THSD7A: variants seen among roughly 807,000 people sequenced by gnomAD.
The protein encoded by THSD7A is thrombospondin type 1 domain containing 7A, also known as thrombospondin type-1 domain-containing protein 7A.
In THSD7A, 96 loss-of-function variants were observed where a neutral mutation model predicts 231.3. The ratio of observed to expected loss-of-function variants is 0.41; its 90% confidence interval spans 0.35 to 0.49. The LOEUF (loss-of-function observed/expected upper bound fraction) is 0.49. THSD7A is among the 20% of genes least tolerant of loss of function. THSD7A has a pLI of 0.05. For missense variants in THSD7A, 2,290 were observed against 2,070.2 expected, an observed-to-expected ratio of 1.11 and a Z score of -2.06; for synonymous variants, 940 against 743.3, an observed-to-expected ratio of 1.26 and a Z score of -4.30.
intron 11 of THSD7A, among the ~76,000 whole-genome samples, chr7:11,459,563 A>G (rs987521513): frequency 6.6e-6 from 1 of 152,186 alleles, no homozygotes. Flanking sequence ...CAAATAAAAT[A>G]AAATCCTAAA....
intron 24 of THSD7A, among the ~76,000 whole-genome samples, chr7:11,380,111 C>T (rs1782452638): frequency 6.6e-6 from 1 of 152,128 alleles, no homozygotes; most frequent in Non-Finnish European, 1.5e-5. Flanking sequence ...TTTTCACGTA[C>T]TTTGAAATAA....
chr7:11,824,630 T>C (rs777197880), intron 1 of THSD7A, among the ~76,000 whole-genome samples: 2 of 152,144 alleles, frequency 1.3e-5, no homozygotes, highest in Non-Finnish European at 2.9e-5. Flanking sequence ...CCTCATACAA[T>C]TCCCTGAGAA....
chr7:11,517,073 A>G (rs1394602958), intron 6 of THSD7A, among the ~76,000 whole-genome samples: 2 of 152,100 alleles, frequency 1.3e-5, no homozygotes, highest in Non-Finnish European at 1.5e-5. Flanking sequence ...AAATACTTCC[A>G]TATCATTATT....
intron 6 of THSD7A, among the ~76,000 whole-genome samples, chr7:11,500,957 GA>G (rs987126223): frequency 1.0e-4 from 14 of 138,562 alleles, no homozygotes; most frequent in African/African-American, 3.6e-4. Context: ...AAAAAAAAAA[GA>G]AAAAAAGGAG....
chr7:11,432,632 A>T (rs1449331235), intron 13 of THSD7A, among the ~76,000 whole-genome samples: 1 of 152,058 alleles, frequency 6.6e-6, no homozygotes, highest in Non-Finnish European at 1.5e-5. Context: ...ACGTTGGTGC[A>T]TATTGCTGAA....
In THSD7A at chr7:11,590,659, C is replaced by A. The variant is rs747990176; in HGVS notation, c.1272-18G>T. The stretch of plus-strand genomic sequence containing the variant: ...AGCCATACCTAAATAAAGACAACAC[C>A]ACCAGCAGCAACCATAATTATTGAA... On this transcript the variant is annotated intron_variant, in intron 3 of 27. Coordinates refer to ENST00000423059, the MANE Select transcript of THSD7A (RefSeq NM_015204.3). This position sits in a 1 kb window ranked among gnomAD's most constrained non-coding sequence, Gnocchi z 4.4. 6.9e-5 allele frequency: 109 copies of A among 1,580,198 alleles called. 1 individual carries two copies. Among genetic ancestry groups the A allele is most frequent in the Non-Finnish European group, 5.7e-5 (66 of 1,163,454 alleles).
In THSD7A at chr7:11,831,969, T is replaced by C; in HGVS notation, c.-23A>G. ...CATGCCGCCTGCAGCCACTCCAGGG[T>C]CCAGAGCCGTAGCACGCTCGGCAGG... On this transcript the variant is annotated 5_prime_UTR_variant, in exon 1 of 28. Transcript: ENST00000423059. This position sits in a 1 kb window ranked among gnomAD's most constrained non-coding sequence, Gnocchi z 5.0. 1 of 1,223,434 alleles carries C rather than the reference T, an allele frequency of 8.2e-7. No individual in the cohort carries two copies. The highest frequency in any genetic ancestry group is 1.0e-6 in the Non-Finnish European group (1 of 983,190). The allele number at this position is 1,223,434 out of a possible 1,614,324, so 75.8% of individuals were successfully genotyped here. A position where few individuals can be genotyped will look rare whatever the true frequency, so the allele number is the denominator to read the frequency against.
chr7:11,831,911 G>T lies in THSD7A; in HGVS notation c.36C>A (p.Ser12Arg). Residue 12 changes from serine to arginine, a missense_variant, in exon 1 of 28, where the codon AGC becomes AGA. Physicochemically the swap from Ser to Arg is moderately radical, Grantham distance 110. Transcript: ENST00000423059. This position sits in a 1 kb window ranked among gnomAD's most constrained non-coding sequence, Gnocchi z 5.0. ...CCCGGCGCGGCCCCGCAGCGCCCCGGCTCCCGGACGCCCAGCGCCTGGCTT... is the reference window on the plus strand; with the variant it reads ...CCCGGCGCGGCCCCGCAGCGCCCCGTCTCCCGGACGCCCAGCGCCTGGCTT... ...GLQARRWASG[S>R]RGAAGPRRGV... The T allele has an allele frequency of 8.1e-7, 1 of 1,236,918 alleles. No homozygotes were observed. The highest frequency in any genetic ancestry group is 1.0e-6 in the Non-Finnish European group (1 of 993,564). The allele number at this position is 1,236,918 out of a possible 1,614,324, so 76.6% of individuals were successfully genotyped here.
intron 6 of THSD7A, among the ~76,000 whole-genome samples, chr7:11,537,018 C>G (rs1357248601): frequency 1.3e-5 from 2 of 151,962 alleles, no homozygotes; most frequent in Non-Finnish European, 2.9e-5. Context: ...CTATCTCTTT[C>G]CACAATGAGT....
rs1048616504 is a variant in THSD7A, at chr7:11,444,017, G to A, written c.3064+2044C>T. Among the ~76,000 whole-genome samples, 3 of 151,982 alleles carry A rather than the reference G, an allele frequency of 2.0e-5. No homozygotes were observed. The highest frequency in any genetic ancestry group is 2.1e-4 in the South Asian group (1 of 4,824). ...TATGAACAGGCAGTTCTCAAAAGACGACATTTATGTGGCTAACAAACATAT... is the reference window on the plus strand; with the variant it reads ...TATGAACAGGCAGTTCTCAAAAGACAACATTTATGTGGCTAACAAACATAT... On this transcript the variant is annotated intron_variant, in intron 13 of 27. Transcript: ENST00000423059. This position sits in a 1 kb window ranked among gnomAD's most constrained non-coding sequence, Gnocchi z 4.2.
At chr7:11,431,174 T>G (rs926401969) in intron 13 of THSD7A, among the ~76,000 whole-genome samples, 1 of 152,184 alleles carries the variant, frequency 6.6e-6, no homozygotes, top group African/African-American at 2.4e-5. Context: ...AAAATTTTGG[T>G]GTTGTTTGAA....
At chr7:11,819,943 T>G (rs1784818917) in intron 1 of THSD7A, among the ~76,000 whole-genome samples, 1 of 152,216 alleles carries the variant, frequency 6.6e-6, no homozygotes, top group East Asian at 1.9e-4. Flanking sequence ...TACTTTCTGC[T>G]TAACTTTCTG....
intron 4 of THSD7A, among the ~76,000 whole-genome samples, chr7:11,559,144 G>A (rs1046362752): frequency 7.2e-5 from 11 of 152,068 alleles, no homozygotes; most frequent in Non-Finnish European, 1.5e-4. Context: ...CTTTGAACTC[G>A]AAGGAACTGA....
intron 7 of THSD7A, among the ~76,000 whole-genome samples, chr7:11,479,750 T>C (rs1308345132): frequency 6.6e-6 from 1 of 152,200 alleles, no homozygotes; most frequent in Non-Finnish European, 1.5e-5. Flanking sequence ...CACTAATAGG[T>C]ACTAAATAGG....
At position 11,428,982 on chromosome 7, in the gene THSD7A, C is replaced by T; in HGVS notation, c.3208G>A (p.Gly1070Arg). 6.2e-7 allele frequency: 1 copy of T among 1,612,186 alleles called. No individual in the cohort carries two copies. Among genetic ancestry groups the T allele is most frequent in the Non-Finnish European group, 8.5e-7 (1 of 1,179,162 alleles). ...KWLREKPYNGGRPCPKLDHVN... is the reference protein window; with the variant it reads ...KWLREKPYNGRRPCPKLDHVN... ...TGGTCCAGTTTGGGGCAAGGCCTTCCTCCATTATATGGTTTTTCACGCAGC... is the reference window on the plus strand; with the variant it reads ...TGGTCCAGTTTGGGGCAAGGCCTTCTTCCATTATATGGTTTTTCACGCAGC... The change falls in exon 14 of 28, where the codon GGA (glycine) becomes AGA (arginine). Residue 1070 changes from glycine (G) to arginine (R), a missense_variant. Gly to Arg is a moderately radical substitution (Grantham distance 125). Transcript: ENST00000423059.
At chr7:11,657,907 A>G (rs1376502953) in intron 1 of THSD7A, among the ~76,000 whole-genome samples, 1 of 151,780 alleles carries the variant, frequency 6.6e-6, no homozygotes, top group East Asian at 1.9e-4. Flanking sequence ...ATTAAAAATA[A>G]TATTTTTACA....
chr7:11,546,202 G>GCGCGCGCGCGCGCACACACACA (rs761841418), intron 4 of THSD7A, among the ~76,000 whole-genome samples: 1 of 129,374 alleles, frequency 7.7e-6, no homozygotes, highest in African/African-American at 2.9e-5. Flanking sequence ...GTGGGCGCGC[G>GCGCGCGCGCGCGCACACACACA]CTCACACACA....
intron 6 of THSD7A, among the ~76,000 whole-genome samples, chr7:11,509,229 G>T (rs545825818): frequency 1.3e-5 from 2 of 151,862 alleles, no homozygotes; most frequent in Admixed American, 1.3e-4. Context: ...TTTTCTTTGG[G>T]GCTTTGATAT....
chr7:11,639,646 C>T (rs1450336241), intron 1 of THSD7A, among the ~76,000 whole-genome samples: 1 of 151,224 alleles, frequency 6.6e-6, no homozygotes, highest in Non-Finnish European at 1.5e-5. Context: ...CCAGCCTGGG[C>T]AACAGATTGA....
Sources: allele counts gnomAD v4.1 joint callset (sites outside exome capture counted in the v4.1 genomes callset), GRCh38; gene constraint gnomAD v4.1.1; non-coding constraint Gnocchi (gnomAD v3.1); transcripts MANE v1.5; gene names NCBI Gene and HGNC (gene_info 2026-07-23, HGNC 2026-07-21).